Variants in ZNF721 observed in about 807,000 individuals in gnomAD.
ZNF721 encodes zinc finger protein 721.
ZNF721 carries 2 observed loss-of-function variants against 2.4 expected under a neutral mutation model. That is an observed-to-expected ratio of 0.82 (90% CI 0.34 to 2.58). The LOEUF (loss-of-function observed/expected upper bound fraction) is 2.58. ZNF721 is among the 30% of genes most tolerant of loss of function. ZNF721 has a pLI of 0.11. For missense variants in ZNF721, 1,187 were observed against 1,085.5 expected (o/e 1.09, Z -1.31); for synonymous variants, 398 against 381.8 (o/e 1.04, Z -0.50).
intron 2 of ZNF721, among the ~76,000 whole-genome samples, chr4:449,362 TA>T (rs1382546027): frequency 3.9e-5 from 6 of 151,972 alleles, no homozygotes; most frequent in African/African-American, 1.4e-4. Context: ...ATATTTTCAA[TA>T]AATGGTGCTA....
chr4:451,564 T>C (rs1553864871), intron 2 of ZNF721, among the ~76,000 whole-genome samples: 2 of 152,198 alleles, frequency 1.3e-5, no homozygotes, highest in African/African-American at 4.8e-5. Context: ...TTCTCCATAG[T>C]CTGGTGAATG....
chr4:444,531 A>C (rs1263319051), intron 2 of ZNF721, 99 bp from the exon 3 acceptor site: 1 of 1,185,500 alleles, frequency 8.4e-7, no homozygotes, highest in Non-Finnish European at 1.2e-6. Context: ...GTAAGATCAC[A>C]TAACAAAATA....
intron 2 of ZNF721, among the ~76,000 whole-genome samples, chr4:469,284 CA>C (rs139974014): frequency 1.4e-5 from 2 of 147,502 alleles, no homozygotes; most frequent in African/African-American, 2.5e-5. Flanking sequence ...CAAAATTTCC[CA>C]AAAAAAAGAA....
intron 2 of ZNF721, among the ~76,000 whole-genome samples, chr4:468,587 GGGCCCAGAAA>G (rs1553867127): frequency 3.9e-5 from 6 of 152,046 alleles, no homozygotes; most frequent in African/African-American, 1.2e-4. Flanking sequence ...AATCTTTCCA[GGGCCCAGAAA>G]GAATCTGTGA....
chr4:440,814 C>T lies in ZNF721; in HGVS notation c.*881G>A, dbSNP rs1449046480. On this transcript the variant is annotated 3_prime_UTR_variant, in exon 3 of 3. Coordinates refer to ENST00000511833, the MANE Select transcript of ZNF721 (RefSeq NM_133474.4). The stretch of plus-strand genomic sequence containing the variant: ...CTGAGTAGCTGGGATTACAGCCATG[C>T]ACCACCATGTCCTGCTAATTTTTGT... 1 of 152,254 alleles carries T rather than the reference C, an allele frequency of 6.6e-6. No individual in the cohort carries two copies. Among genetic ancestry groups the T allele is most frequent in the Non-Finnish European group, 1.5e-5 (1 of 68,100 alleles). The allele number at this position is 152,254 out of a possible 1,614,324, so 9.4% of individuals were successfully genotyped here. A position where few individuals can be genotyped will look rare whatever the true frequency, so the allele number is the denominator to read the frequency against.
At chr4:492,522 T>C (rs1553871630) in intron 1 of ZNF721, among the ~76,000 whole-genome samples, 1 of 151,930 alleles carries the variant, frequency 6.6e-6, no homozygotes, top group Non-Finnish European at 1.5e-5. Context: ...AATAATTTAG[T>C]GTATAAGTGT....
At chr4:492,873 T>C (rs1431905174) in intron 1 of ZNF721, among the ~76,000 whole-genome samples, 1 of 151,694 alleles carries the variant, frequency 6.6e-6, no homozygotes, top group Non-Finnish European at 1.5e-5. Context: ...TTACCTTGTT[T>C]TACACATAAC....
At position 443,880 on chromosome 4, in the gene ZNF721, T is replaced by G. The variant is rs1239419703; in HGVS notation, c.587A>C (p.Glu196Ala). The change falls in exon 3 of 3, where the codon GAA becomes GCA. Residue 196 changes from glutamate (E) to alanine (A), a missense_variant. Glu to Ala is a moderately radical substitution (Grantham distance 107). Transcript: ENST00000511833. ...IHNREKAYTG[E>A]DRDRAFGWST... Reference sequence around the variant, plus strand: ...CCATCCAAAGGCTCTGTCACGATCTTCACCTGTGTAAGCTTTCTCTCTGTT... The same window carrying G: ...CCATCCAAAGGCTCTGTCACGATCTGCACCTGTGTAAGCTTTCTCTCTGTT... The G allele has an allele frequency of 5.0e-6, 8 of 1,613,908 alleles. No homozygotes were observed. Among genetic ancestry groups the G allele is most frequent in the African/African-American group, 1.3e-5 (1 of 74,930 alleles).
At chr4:453,945 G>T (rs1714754402) in intron 2 of ZNF721, 1 of 152,126 alleles carries the variant, frequency 6.6e-6, no homozygotes, top group South Asian at 2.1e-4. Flanking sequence ...TGCTGTGCTG[G>T]TGGCCGGATT....
At chr4:497,425 G>C (rs551057795) in intron 1 of ZNF721, among the ~76,000 whole-genome samples, 31 of 151,682 alleles carry the variant, frequency 2.0e-4, no homozygotes, top group Non-Finnish European at 3.7e-4. Flanking sequence ...GCTTATCAAT[G>C]TCAATCGAGA....
chr4:480,368 T>C (rs1247618710), intron 1 of ZNF721, among the ~76,000 whole-genome samples: 1 of 152,262 alleles, frequency 6.6e-6, no homozygotes, highest in Non-Finnish European at 1.5e-5. Flanking sequence ...CACTTTCTTA[T>C]GCTGACTCTT....
chr4:459,643 A>C (rs2108701867), intron 2 of ZNF721, among the ~76,000 whole-genome samples: 1 of 152,294 alleles, frequency 6.6e-6, no homozygotes, highest in African/African-American at 2.4e-5. Context: ...ATCCGTGGTT[A>C]ACATGGTGAA....
chr4:488,977 A>G (rs1353154041), intron 1 of ZNF721, among the ~76,000 whole-genome samples: 1 of 152,170 alleles, frequency 6.6e-6, no homozygotes, highest in African/African-American at 2.4e-5. Context: ...CCCAGTAGCT[A>G]GCGGGAAGAA....
At chr4:446,659 G>A (rs1385431805) in intron 2 of ZNF721, among the ~76,000 whole-genome samples, 1 of 151,654 alleles carries the variant, frequency 6.6e-6, no homozygotes, top group African/African-American at 2.4e-5. Flanking sequence ...GATTGCAGGC[G>A]TGAGCCACCA....
At position 442,168 on chromosome 4, in the gene ZNF721, G is replaced by C. The variant is rs1553863266; in HGVS notation, c.2299C>G (p.His767Asp). 6.2e-7 allele frequency: 1 copy of C among 1,612,606 alleles called. No individual in the cohort carries two copies. Among genetic ancestry groups the C allele is most frequent in the Non-Finnish European group, 8.5e-7 (1 of 1,179,142 alleles). The change falls in exon 3 of 3, where the codon CAC becomes GAC. Residue 767 changes from histidine (H) to aspartate (D), a missense_variant. By Grantham distance (81) the His-to-Asp change is moderately conservative. Coordinates refer to ENST00000511833, the MANE Select transcript of ZNF721 (RefSeq NM_133474.4). ...TGAATTTTCTCATGTCTATTCAGGT[G>C]TGAGGACTGTTTAAACACTTTCCCA... ...ECGKVFKQSS[H>D]LNRHEKIHTG... is the part of the protein sequence containing the mutation.
intron 2 of ZNF721, among the ~76,000 whole-genome samples, chr4:465,880 G>T (rs1715232961): frequency 6.6e-6 from 1 of 151,536 alleles, no homozygotes; most frequent in African/African-American, 2.4e-5. Context: ...CTACACAAGG[G>T]AAGACAGCAT....
At chr4:488,909 G>C (rs1174728093) in intron 1 of ZNF721, among the ~76,000 whole-genome samples, 1 of 152,166 alleles carries the variant, frequency 6.6e-6, no homozygotes, top group African/African-American at 2.4e-5. Flanking sequence ...TGGTTAGGAA[G>C]ATAGGGAGGG....
chr4:481,585 T>C (rs1715770702), intron 1 of ZNF721, among the ~76,000 whole-genome samples: 1 of 151,906 alleles, frequency 6.6e-6, no homozygotes, highest in Non-Finnish European at 1.5e-5. Context: ...CTTTTTTTTT[T>C]TTTTTGACAG....
At chr4:491,000 CCA>C (rs1491278695) in intron 1 of ZNF721, among the ~76,000 whole-genome samples, 2 of 152,030 alleles carry the variant, frequency 1.3e-5, no homozygotes, top group Non-Finnish European at 1.5e-5. Context: ...CATCCACCCA[CCA>C]CAGCTCTTCC....
Sources: allele counts gnomAD v4.1 joint callset (sites outside exome capture counted in the v4.1 genomes callset), GRCh38; gene constraint gnomAD v4.1.1; transcripts MANE v1.5; gene names NCBI Gene and HGNC (gene_info 2026-07-23, HGNC 2026-07-21).